The following HIF1A variants were observed in gnomAD, a reference collection of about 807,000 sequenced individuals.
The protein encoded by HIF1A is hypoxia inducible factor 1 subunit alpha, also known as hypoxia-inducible factor 1-alpha.
HIF1A carries 24 observed loss-of-function variants against 92.7 expected under a neutral mutation model. The ratio of observed to expected loss-of-function variants is 0.26; its 90% CI spans 0.19 to 0.36. The LOEUF (loss-of-function observed/expected upper bound fraction) is 0.36, where lower values mean the gene tolerates loss of function less well. Among genes scored for constraint, HIF1A ranks in the 10% least tolerant of loss-of-function variants. The pLI is 1.00. For synonymous variants in HIF1A, 319 were observed against 338.7 expected (o/e 0.94, Z 0.64); for missense variants, 799 against 998.5 (o/e 0.80, Z 2.69).
intron 1 of HIF1A, among the ~76,000 whole-genome samples, chr14:61,696,167 C>T (rs1235276463): frequency 6.6e-6 from 1 of 152,272 alleles, no homozygotes; most frequent in African/African-American, 2.4e-5. Context: ...TCTGTGGCCC[C>T]ATCCGGAGGG....
intron 1 of HIF1A, among the ~76,000 whole-genome samples, chr14:61,702,113 A>G (rs1566559277): frequency 6.6e-6 from 1 of 151,996 alleles, no homozygotes; most frequent in Non-Finnish European, 1.5e-5. Flanking sequence ...AAGAGAATGC[A>G]GGTTTTTAAA....
intron 1 of HIF1A, chr14:61,697,498 A>T: frequency 5.8e-6 from 1 of 171,068 alleles, no homozygotes; most frequent in Non-Finnish European, 1.2e-5. Context: ...TTTGCCATTC[A>T]TCCGTTCAGA....
chr14:61,695,937 G>GA, intron 1 of HIF1A, 98 bp downstream of exon 1: 1 of 1,134,382 alleles, frequency 8.8e-7, no homozygotes, highest in Non-Finnish European at 1.3e-6. Flanking sequence ...AATGGGATTG[G>GA]GGGGGGCAGC....
Position 61,747,009 on chromosome 14 carries a change from T to G in HIF1A, c.2405T>G (p.Val802Gly), listed in dbSNP as rs1294810529. The G allele has an allele frequency of 1.2e-6, 2 of 1,613,766 alleles. No individual in the cohort carries two copies. Among genetic ancestry groups the G allele is most frequent in the East Asian group, 4.5e-5 (2 of 44,866 alleles). ...CAGCTGACCAGTTATGATTGTGAAG[T>G]TAATGCTCCTATACAAGGCAGCAGA... Reference protein sequence around the residue: ...LPQLTSYDCEVNAPIQGSRNL... With the variant: ...LPQLTSYDCEGNAPIQGSRNL... Residue 802 changes from valine (V) to glycine (G), a missense_variant, in exon 15 of 15, where the codon GTT (valine) becomes GGT (glycine). Val to Gly is a moderately radical substitution (Grantham distance 109). Transcript: ENST00000337138.
In HIF1A at chr14:61,747,104, T is replaced by G. The variant is rs371778537; in HGVS notation, c.*19T>G. 1 of 1,592,898 alleles carries G rather than the reference T, an allele frequency of 6.3e-7. No homozygotes were observed. The highest frequency in any genetic ancestry group is 1.4e-5 in the African/African-American group (1 of 73,588). Reference sequence around the variant, plus strand: ...TAACTGAGCTTTTTCTTAATTTCATTCCTTTTTTTGGACACTGGTGGCTCA... The same window carrying G: ...TAACTGAGCTTTTTCTTAATTTCATGCCTTTTTTTGGACACTGGTGGCTCA... On this transcript the variant is annotated 3_prime_UTR_variant, in exon 15 of 15. Transcript: ENST00000337138.
intron 1 of HIF1A, among the ~76,000 whole-genome samples, chr14:61,703,153 TC>T (rs1483050164): frequency 6.6e-6 from 1 of 152,238 alleles, no homozygotes; most frequent in African/African-American, 2.4e-5. Context: ...CATGGTTCTT[TC>T]TTAATAATAA....
intron 1 of HIF1A, chr14:61,697,715 A>G (rs959096490): frequency 1.6e-6 from 2 of 1,274,746 alleles, no homozygotes; most frequent in Admixed American, 3.9e-5. Flanking sequence ...AACACTTAAT[A>G]AGTGGTGGTT....
chr14:61,720,531 T>A lies in HIF1A; in HGVS notation c.185T>A (p.Leu62His). Reference sequence around the variant, plus strand: ...CTTGATAAGGCCTCTGTGATGAGGCTTACCATCAGCTATTTGCGTGTGAGG... The same window carrying A: ...CTTGATAAGGCCTCTGTGATGAGGCATACCATCAGCTATTTGCGTGTGAGG... ...SHLDKASVMR[L>H]TISYLRVRKL... is the part of the protein sequence containing the mutation. The change falls in exon 2 of 15, where the codon CTT becomes CAT. Residue 62 changes from leucine to histidine, a missense_variant. Leu to His is a moderately conservative substitution (Grantham distance 99, BLOSUM62 -3). Coordinates refer to ENST00000337138, the MANE Select transcript of HIF1A (RefSeq NM_001530.4). 6.2e-7 allele frequency: 1 copy of A among 1,610,110 alleles called. No homozygotes were observed. The highest frequency in any genetic ancestry group is 8.5e-7 in the Non-Finnish European group (1 of 1,178,324).
At chr14:61,745,467 G>GTA (rs2044768731) in intron 13 of HIF1A, 1 of 537,476 alleles carries the variant, frequency 1.9e-6, no homozygotes, top group South Asian at 2.1e-5. Context: ...GTCAATGGTG[G>GTA]TATAATACAT....
chr14:61,714,478 T>C (rs2044341270), intron 1 of HIF1A, among the ~76,000 whole-genome samples: 1 of 152,170 alleles, frequency 6.6e-6, no homozygotes, highest in African/African-American at 2.4e-5. Context: ...ATGATGGAAT[T>C]AAAAACCTTG....
Position 61,720,447 on chromosome 14 carries a change from C to A in HIF1A, c.101C>A (p.Ser34Tyr), listed in dbSNP as rs1249408665. ...DAARSRRSKESEVFYELAHQL... is the reference protein window; with the variant it reads ...DAARSRRSKEYEVFYELAHQL... ...GCCAGATCTCGGCGAAGTAAAGAATCTGAAGTTTTTTATGAGCTTGCTCAT... is the reference window on the plus strand; with the variant it reads ...GCCAGATCTCGGCGAAGTAAAGAATATGAAGTTTTTTATGAGCTTGCTCAT... Residue 34 changes from serine to tyrosine, a missense_variant, in exon 2 of 15, where the codon TCT becomes TAT. By Grantham distance (144) the Ser-to-Tyr change is moderately radical. Around this residue, in one of 2 missense-constraint regions of HIF1A, gnomAD observed 516 missense variants for 721.0 expected, o/e 0.72. Coordinates refer to ENST00000337138, the MANE Select transcript of HIF1A (RefSeq NM_001530.4). The A allele has an allele frequency of 4.3e-6, 7 of 1,613,482 alleles. No individual in the cohort carries two copies. The highest frequency in any genetic ancestry group is 5.9e-6 in the Non-Finnish European group (7 of 1,179,788).
intron 1 of HIF1A, among the ~76,000 whole-genome samples, chr14:61,712,294 AG>A (rs1386783377): frequency 1.3e-5 from 2 of 152,070 alleles, no homozygotes; most frequent in African/African-American, 4.8e-5. Context: ...AAGTGTTTTA[AG>A]AACAGTAAGG....
rs779972519 is a variant in HIF1A, at chr14:61,736,943, T to C, written c.1083T>C (p.Leu361=). The C allele has an allele frequency of 6.2e-7, 1 of 1,614,132 alleles. No individual in the cohort carries two copies. The highest frequency in any genetic ancestry group is 8.5e-7 in the Non-Finnish European group (1 of 1,179,952). ...CCCTTCAACAAACAGAATGTGTCCT[T>C]AAACCGGTTGAATCTTCAGATATGA... The part of the protein sequence containing the change: ...IFSLQQTECV[L]KPVESSDMKM... The change falls in exon 9 of 15, where the codon CTT becomes CTC. Residue 361 remains leucine (L), a synonymous_variant. Transcript: ENST00000337138.
intron 1 of HIF1A, among the ~76,000 whole-genome samples, chr14:61,717,839 T>C (rs914939364): frequency 5.5e-5 from 8 of 146,506 alleles, no homozygotes; most frequent in African/African-American, 1.1e-4. Flanking sequence ...CTGGCCAACA[T>C]GGTGAAACCT....
chr14:61,727,705 A>G (rs1367530002), intron 6 of HIF1A, 50 bp downstream of exon 6: 2 of 1,257,056 alleles, frequency 1.6e-6, no homozygotes, highest in South Asian at 2.4e-5. Context: ...AGTCTACAGC[A>G]TTACTGAATA....
chr14:61,742,885 CAAAAAAA>C (rs766112676), intron 12 of HIF1A, among the ~76,000 whole-genome samples: 14 of 16,608 alleles, frequency 8.4e-4, no homozygotes, highest in Admixed American at 2.2e-3. Context: ...AACTCGGTTT[CAAAAAAA>C]AAAAAAAAAA....
At chr14:61,739,989 T>C (rs2044686549) in intron 10 of HIF1A, 1 of 152,118 alleles carries the variant, frequency 6.6e-6, no homozygotes, top group Non-Finnish European at 1.5e-5. Flanking sequence ...GATGTTATAT[T>C]ACATAGTCAG....
rs750466415 is a variant in HIF1A, at chr14:61,727,433, G to GC, written c.571-19dup. ...AGCATTGTAAATATTTTTTTTAACT[G>GC]CTTTGTTCTTCATACACAGGTATTG... On this transcript the variant is annotated intron_variant, in intron 5 of 14. Coordinates refer to ENST00000337138, the MANE Select transcript of HIF1A (RefSeq NM_001530.4). 2 of 1,562,460 alleles carry GC rather than the reference G, an allele frequency of 1.3e-6. No individual in the cohort carries two copies. Among genetic ancestry groups the GC allele is most frequent in the East Asian group, 4.5e-5 (2 of 44,376 alleles).
At chr14:61,741,469 G>C (rs1440943715) in intron 12 of HIF1A, among the ~76,000 whole-genome samples, 1 of 151,116 alleles carries the variant, frequency 6.6e-6, no homozygotes, top group African/African-American at 2.4e-5. Context: ...GGGTGCAAGA[G>C]ATTCTCCTGC....
Sources: gnomAD v4.1 joint callset for allele counts (sites outside exome capture counted in the v4.1 genomes callset) on GRCh38, gnomAD v4.1.1 for gene constraint, gnomAD v4.1.1 regional missense constraint, MANE v1.5 for transcripts, NCBI Gene and HGNC (gene_info 2026-07-23, HGNC 2026-07-21) for gene names.